AGER: variants seen among roughly 807,000 people sequenced by gnomAD.
The protein encoded by AGER is advanced glycosylation end-product specific receptor, also known as advanced glycation end product-specific receptor.
In AGER, 46 loss-of-function variants were observed where a neutral mutation model predicts 48.8. The observed-to-expected ratio is 0.94, with a 90% confidence interval of 0.74 to 1.20. The LOEUF is 1.20. AGER is among the 50% of genes most tolerant of loss of function. The pLI is 0.00. For missense variants in AGER, 489 were observed against 515.0 expected (o/e 0.95, Z 0.49); for synonymous variants, 170 against 199.9 (o/e 0.85, Z 1.26).
Position 32,184,206 on chromosome 6 carries a change from G to A in AGER, c.17C>T (p.Ala6Val), listed in dbSNP as rs780466274. 3.2e-5 allele frequency: 52 copies of A among 1,612,658 alleles called. No individual in the cohort carries two copies. Among genetic ancestry groups the A allele is most frequent in the Admixed American group, 2.0e-4 (12 of 59,968 alleles). Residue 6 changes from alanine (A) to valine (V), a missense_variant, in exon 1 of 11, where the codon GCA becomes GTA. By Grantham distance (64) the Ala-to-Val change is moderately conservative. Coordinates refer to ENST00000375076, the MANE Select transcript of AGER (RefSeq NM_001136.5). ...GAGGACCAGCACCCAGGCTCCAACTGCTGTTCCGGCAGCCATCCTGCTTCC... is the reference window on the plus strand; with the variant it reads ...GAGGACCAGCACCCAGGCTCCAACTACTGTTCCGGCAGCCATCCTGCTTCC... Reference protein sequence around the residue: MAAGTAVGAWVLVLSL... With the variant: MAAGTVVGAWVLVLSL...
Position 32,182,419 on chromosome 6 carries a change from C to G in AGER, c.823-31G>C. Reference sequence around the variant, plus strand: ...GGGGGAAGGGGAGAGGAGACTATTTCAAAACCCTTGTCTTTTTGTCTCCAT... The same window carrying G: ...GGGGGAAGGGGAGAGGAGACTATTTGAAAACCCTTGTCTTTTTGTCTCCAT... On this transcript the variant is annotated intron_variant, in intron 7 of 10. Transcript: ENST00000375076. The surrounding 1 kb of genome is among the most constrained non-coding windows in gnomAD (Gnocchi z 5.1). The G allele has an allele frequency of 2.5e-6, 4 of 1,599,118 alleles. No individual in the cohort carries two copies. Among genetic ancestry groups the G allele is most frequent in the South Asian group, 2.2e-5 (2 of 89,632 alleles).
In AGER at chr6:32,181,444, G is replaced by A. The variant is rs1445275997; in HGVS notation, c.1025C>T (p.Ala342Val). Residue 342 changes from alanine to valine, a missense_variant, in exon 10 of 11, where the codon GCC becomes GTC. Transcript: ENST00000375076. This position sits in a 1 kb window ranked among gnomAD's most constrained non-coding sequence, Gnocchi z 4.1. ...SVGGSGLGTL[A>V]LALGILGGLG... is the part of the protein sequence containing the mutation. ...GCCTCCCAGGATCCCCAGGGCCAGG[G>A]CTAGAGTTCCCAGCCCTGATCCTCC... is the stretch of plus-strand genomic sequence containing the variant. 1.9e-6 allele frequency: 3 copies of A among 1,613,282 alleles called. No homozygotes were observed. The highest frequency in any genetic ancestry group is 1.7e-6 in the Non-Finnish European group (2 of 1,179,998).
intron 2 of AGER, 63 bp from the exon 3 acceptor site, chr6:32,183,813 G>C: frequency 6.2e-7 from 1 of 1,611,720 alleles, no homozygotes; most frequent in South Asian, 1.1e-5. Flanking sequence ...GTGAGGCAGA[G>C]TGACGGGGAT....
Position 32,182,238 on chromosome 6 carries a change from A to T in AGER, c.964+9T>A. On this transcript the variant is annotated intron_variant, in intron 8 of 10. Transcript: ENST00000375076. This position sits in a 1 kb window ranked among gnomAD's most constrained non-coding sequence, Gnocchi z 5.1. ...CCCAGGGTCTGTAGGGCTTGGGGAG[A>T]GGTCTCACCGATGATGCTGATGCTG... is the stretch of plus-strand genomic sequence containing the variant. 1 of 1,612,576 alleles carries T rather than the reference A, an allele frequency of 6.2e-7. No homozygotes were observed. Among genetic ancestry groups the T allele is most frequent in the Non-Finnish European group, 8.5e-7 (1 of 1,179,964 alleles).
rs1786078807 is a variant in AGER at position 32,181,020 on chromosome 6, G to T, written c.*123C>A. On this transcript the variant is annotated 3_prime_UTR_variant, in exon 11 of 11. Coordinates refer to ENST00000375076, the MANE Select transcript of AGER (RefSeq NM_001136.5). The surrounding 1 kb of genome is among the most constrained non-coding windows in gnomAD (Gnocchi z 4.1). ...ATTGTGGGGGGCTCTGGTTGTAGAA[G>T]AAAGCTTGGCAAGGTGGGGTTATAC... 1.0e-6 allele frequency: 1 copy of T among 993,000 alleles called. No individual in the cohort carries two copies. 61.5% of individuals were successfully genotyped at this position (993,000 alleles called of 1,614,324 possible). A position where few individuals can be genotyped will look rare whatever the true frequency, so the allele number is the denominator to read the frequency against.
At position 32,184,158 on chromosome 6, in the gene AGER, G is replaced by A. The variant is rs753634378; in HGVS notation, c.52+13C>T. The A allele has an allele frequency of 1.2e-6, 2 of 1,610,546 alleles. No homozygotes were observed. Among genetic ancestry groups the A allele is most frequent in the South Asian group, 1.1e-5 (1 of 90,754 alleles). Reference sequence around the variant, plus strand: ...CTGCAGGGAGGGTCAGTGGGGTTGAGGGAGTGGCTCACCCCACAGACTGAG... The same window carrying A: ...CTGCAGGGAGGGTCAGTGGGGTTGAAGGAGTGGCTCACCCCACAGACTGAG... On this transcript the variant is annotated intron_variant, in intron 1 of 10. Coordinates refer to ENST00000375076, the MANE Select transcript of AGER (RefSeq NM_001136.5).
In AGER at chr6:32,181,714, T is replaced by G; in HGVS notation, c.965-82A>C. The G allele has an allele frequency of 7.2e-7, 1 of 1,389,080 alleles. No individual in the cohort carries two copies. Among genetic ancestry groups the G allele is most frequent in the Non-Finnish European group, 9.9e-7 (1 of 1,008,556 alleles). 86.0% of individuals were successfully genotyped at this position (1,389,080 alleles called of 1,614,324 possible). ...ATTTAGTGGGAGCCCCAGTGGAGTC[T>G]TTCCCTTTCTTTTTTTTTTTGAGAT... On this transcript the variant is annotated intron_variant, in intron 8 of 10. Transcript: ENST00000375076. The surrounding 1 kb of genome is among the most constrained non-coding windows in gnomAD (Gnocchi z 4.1).
In AGER at chr6:32,181,723, CT is replaced by C. The variant is rs1217441707; in HGVS notation, c.965-92del. The C allele has an allele frequency of 0.025, 23,142 of 942,000 alleles. No homozygotes were observed. Among genetic ancestry groups the C allele is most frequent in the South Asian group, 0.029 (1,392 of 48,336 alleles). The allele number at this position is 942,000 out of a possible 1,614,324, so 58.4% of individuals were successfully genotyped here. On this transcript the variant is annotated intron_variant, in intron 8 of 10. Coordinates refer to ENST00000375076, the MANE Select transcript of AGER (RefSeq NM_001136.5). This position sits in a 1 kb window ranked among gnomAD's most constrained non-coding sequence, Gnocchi z 4.1. ...GAGCCCCAGTGGAGTCTTTCCCTTT[CT>C]TTTTTTTTTTGAGATGGAGTTTCAC...
rs772300820 is a variant in AGER at position 32,182,627 on chromosome 6, C to T, written c.763G>A (p.Val255Ile). ...GCAGGGACTTCACAGGTCAGGGTTA[C>T]GGTTCCACCAGGAGCTACTGCTCCA... is the stretch of plus-strand genomic sequence containing the variant. ...EGGAVAPGGT[V>I]TLTCEVPAQP... The change falls in exon 7 of 11, where the codon GTA (valine) becomes ATA (isoleucine). Residue 255 changes from valine (V) to isoleucine (I), a missense_variant. Coordinates refer to ENST00000375076, the MANE Select transcript of AGER (RefSeq NM_001136.5). This position sits in a 1 kb window ranked among gnomAD's most constrained non-coding sequence, Gnocchi z 5.1. 33 of 1,612,950 alleles carry T rather than the reference C, an allele frequency of 2.0e-5. No individual in the cohort carries two copies. Among genetic ancestry groups the T allele is most frequent in the Non-Finnish European group, 2.7e-5 (32 of 1,180,038 alleles).
rs1045204978 is a variant in AGER at position 32,182,365 on chromosome 6, G to C, written c.846C>G (p.Pro282=). The change falls in exon 8 of 11, where the codon CCC becomes CCG. Residue 282 remains proline (P), a synonymous_variant. Coordinates refer to ENST00000375076, the MANE Select transcript of AGER (RefSeq NM_001136.5). This position sits in a 1 kb window ranked among gnomAD's most constrained non-coding sequence, Gnocchi z 5.1. ...MKDGVPLPLP[P]SPVLILPEIG... ...TCTCAGGGAGGATCAGCACAGGGCT[G>C]GGGGGAAGGGGCAAGGGCACACCCT... is the stretch of plus-strand genomic sequence containing the variant. 6 of 1,611,986 alleles carry C rather than the reference G, an allele frequency of 3.7e-6. No homozygotes were observed. The highest frequency in any genetic ancestry group is 2.7e-5 in the African/African-American group (2 of 74,802).
chr6:32,182,424 C>A lies in AGER; in HGVS notation c.823-36G>T. 1 of 1,596,602 alleles carries A rather than the reference C, an allele frequency of 6.3e-7. No individual in the cohort carries two copies. The highest frequency in any genetic ancestry group is 8.5e-7 in the Non-Finnish European group (1 of 1,170,604). ...AAGGGGAGAGGAGACTATTTCAAAA[C>A]CCTTGTCTTTTTGTCTCCATATCTT... is the stretch of plus-strand genomic sequence containing the variant. On this transcript the variant is annotated intron_variant, in intron 7 of 10. Transcript: ENST00000375076. The surrounding 1 kb of genome is among the most constrained non-coding windows in gnomAD (Gnocchi z 5.1).
chr6:32,181,071 T>A lies in AGER; in HGVS notation c.*72A>T. ...AGGAGAGAGATTATACAGGAGAGAG[T>A]TGGTCTGAGGCCAGAACAGTTCAAG... On this transcript the variant is annotated 3_prime_UTR_variant, in exon 11 of 11. Transcript: ENST00000375076. This position sits in a 1 kb window ranked among gnomAD's most constrained non-coding sequence, Gnocchi z 4.1. The A allele has an allele frequency of 1.3e-6, 2 of 1,483,718 alleles. No homozygotes were observed. Among genetic ancestry groups the A allele is most frequent in the African/African-American group, 1.4e-5 (1 of 71,948 alleles). 91.9% of individuals were successfully genotyped at this position (1,483,718 alleles called of 1,614,324 possible).
chr6:32,182,307 C>T lies in AGER; in HGVS notation c.904G>A (p.Val302Met), dbSNP rs1406915297. The change falls in exon 8 of 11, where the codon GTG (valine) becomes ATG (methionine). Residue 302 changes from valine to methionine, a missense_variant. Transcript: ENST00000375076. The surrounding 1 kb of genome is among the most constrained non-coding windows in gnomAD (Gnocchi z 5.1). ...GGCCCGTGGCTGGAATGGGTGGCCA[C>T]ACAGCTGTAGGTTCCCTGGTCCTGA... is the stretch of plus-strand genomic sequence containing the variant. ...GPQDQGTYSC[V>M]ATHSSHGPQE... is the part of the protein sequence containing the mutation. 3 of 1,612,676 alleles carry T rather than the reference C, an allele frequency of 1.9e-6. No homozygotes were observed. The highest frequency in any genetic ancestry group is 2.5e-6 in the Non-Finnish European group (3 of 1,180,000).
rs777245704 is a variant in AGER at position 32,182,659 on chromosome 6, G to T, written c.731C>A (p.Pro244Gln). Residue 244 changes from proline to glutamine, a missense_variant, in exon 7 of 11, where the codon CCA becomes CAA. By Grantham distance (76) the Pro-to-Gln change is moderately conservative. Coordinates refer to ENST00000375076, the MANE Select transcript of AGER (RefSeq NM_001136.5). The surrounding 1 kb of genome is among the most constrained non-coding windows in gnomAD (Gnocchi z 5.1). ...PLEEVQLVVEPEGGAVAPGGT... is the reference protein window; with the variant it reads ...PLEEVQLVVEQEGGAVAPGGT... The stretch of plus-strand genomic sequence containing the variant: ...ACCAGGAGCTACTGCTCCACCTTCT[G>T]GCTCCACCACCAATTGGACCTCCTC... The T allele has an allele frequency of 1.9e-6, 3 of 1,613,032 alleles. No individual in the cohort carries two copies. The highest frequency in any genetic ancestry group is 1.3e-5 in the African/African-American group (1 of 75,058).
chr6:32,181,676 T>C lies in AGER; in HGVS notation c.965-44A>G, dbSNP rs1192985631. ...TCCAGTCAGAAAGGAAGACTTCGGG[T>C]TGAGAGAGGGTTATTTAGTGGGAGC... On this transcript the variant is annotated intron_variant, in intron 8 of 10. Coordinates refer to ENST00000375076, the MANE Select transcript of AGER (RefSeq NM_001136.5). This position sits in a 1 kb window ranked among gnomAD's most constrained non-coding sequence, Gnocchi z 4.1. The C allele has an allele frequency of 1.2e-6, 2 of 1,600,998 alleles. No individual in the cohort carries two copies. The highest frequency in any genetic ancestry group is 1.7e-6 in the Non-Finnish European group (2 of 1,170,682).
At position 32,181,120 on chromosome 6, in the gene AGER, G is replaced by A; in HGVS notation, c.*23C>T. 6.2e-7 allele frequency: 1 copy of A among 1,610,558 alleles called. No homozygotes were observed. The highest frequency in any genetic ancestry group is 1.1e-5 in the South Asian group (1 of 91,012). ...AGGGAAAAAGAAAAGGGAGCTGATG[G>A]ATGGGATCTGTCTGTGGGCCCCTCA... On this transcript the variant is annotated 3_prime_UTR_variant, in exon 11 of 11. Transcript: ENST00000375076. The surrounding 1 kb of genome is among the most constrained non-coding windows in gnomAD (Gnocchi z 4.1).
chr6:32,182,527 G>C lies in AGER; in HGVS notation c.822+41C>G. ...CTCTGCCCTCCCTGTTGCTAGTTAT[G>C]GTTCACCCTACCTCCCAGCCCCTCT... is the stretch of plus-strand genomic sequence containing the variant. On this transcript the variant is annotated intron_variant, in intron 7 of 10. Transcript: ENST00000375076. The surrounding 1 kb of genome is among the most constrained non-coding windows in gnomAD (Gnocchi z 5.1). 6.2e-7 allele frequency: 1 copy of C among 1,605,530 alleles called. No homozygotes were observed. The highest frequency in any genetic ancestry group is 1.1e-5 in the South Asian group (1 of 90,670).
At chr6:32,183,858 G>C in intron 2 of AGER, 23 bp downstream of exon 2, 1 of 1,612,816 alleles carries the variant, frequency 6.2e-7, no homozygotes, top group Non-Finnish European at 8.5e-7. Context: ...AAGTTGGGAG[G>C]CTGCAACAGG....
rs1786257915 is a variant in AGER, at chr6:32,181,720, T to A, written c.965-88A>T. 5 of 1,362,668 alleles carry A rather than the reference T, an allele frequency of 3.7e-6. No individual in the cohort carries two copies. The highest frequency in any genetic ancestry group is 5.1e-6 in the Non-Finnish European group (5 of 988,108). 84.4% of individuals were successfully genotyped at this position (1,362,668 alleles called of 1,614,324 possible). A position where few individuals can be genotyped will look rare whatever the true frequency, so the allele number is the denominator to read the frequency against. ...TGGGAGCCCCAGTGGAGTCTTTCCC[T>A]TTCTTTTTTTTTTTGAGATGGAGTT... On this transcript the variant is annotated intron_variant, in intron 8 of 10. Coordinates refer to ENST00000375076, the MANE Select transcript of AGER (RefSeq NM_001136.5). The surrounding 1 kb of genome is among the most constrained non-coding windows in gnomAD (Gnocchi z 4.1).
Sources: gnomAD v4.1 joint callset for allele counts on GRCh38, gnomAD v4.1.1 for gene constraint, Gnocchi (gnomAD v3.1) non-coding constraint, MANE v1.5 for transcripts, NCBI Gene and HGNC (gene_info 2026-07-23, HGNC 2026-07-21) for gene names.